Variants in HIBCH observed in about 807,000 individuals in gnomAD.
The protein encoded by HIBCH is 3-hydroxyisobutyryl-CoA hydrolase, also known as 3-hydroxyisobutyryl-CoA hydrolase, mitochondrial.
HIBCH carries 50 observed loss-of-function variants against 58.2 expected under a neutral mutation model. The observed-to-expected ratio is 0.86, with a 90% confidence interval of 0.68 to 1.09. The LOEUF is 1.09. HIBCH is among the 50% of genes least tolerant of loss of function. The pLI is 0.00. For synonymous variants in HIBCH, 151 were observed against 146.9 expected, an observed-to-expected ratio of 1.03 and a Z score of -0.20; for missense variants, 450 against 449.7, an observed-to-expected ratio of 1.00 and a Z score of -0.01.
At chr2:190,195,399 C>T (rs868632580) in intron 1 of HIBCH, among the ~76,000 whole-genome samples, 24 of 152,096 alleles carry the variant, frequency 1.6e-4, no homozygotes, top group Non-Finnish European at 2.4e-4. Flanking sequence ...AACTGCCAGA[C>T]TGTCCTCCCA....
intron 6 of HIBCH, among the ~76,000 whole-genome samples, chr2:190,265,061 T>TGCA (rs778931989): frequency 1.4e-5 from 2 of 138,722 alleles, no homozygotes; most frequent in East Asian, 4.1e-4. Context: ...AGGTGGAGGT[T>TGCA]GCAGTGAGTC....
intron 3 of HIBCH, among the ~76,000 whole-genome samples, chr2:190,295,652 CG>C (rs1209456630): frequency 6.6e-6 from 1 of 152,168 alleles, no homozygotes; most frequent in Non-Finnish European, 1.5e-5. Context: ...CATGCAATAC[CG>C]GACTACATTA....
chr2:190,238,632 T>C (rs1326814311), intron 11 of HIBCH, among the ~76,000 whole-genome samples: 2 of 152,190 alleles, frequency 1.3e-5, no homozygotes, highest in Non-Finnish European at 2.9e-5. Context: ...ACCTGGCTAA[T>C]TCTTGTACTT....
intron 1 of HIBCH, among the ~76,000 whole-genome samples, chr2:190,314,380 T>C (rs1427569363): frequency 3.4e-5 from 3 of 87,260 alleles, no homozygotes; most frequent in Non-Finnish European, 4.9e-5. Context: ...CGTATATATG[T>C]GTATATATAT....
At chr2:190,264,485 C>T (rs919784530) in intron 6 of HIBCH, among the ~76,000 whole-genome samples, 2 of 152,154 alleles carry the variant, frequency 1.3e-5, no homozygotes, top group Non-Finnish European at 2.9e-5. Context: ...CAAGTAGCTA[C>T]TATCTTGACC....
chr2:190,314,361 ATATATATACG>A (rs1559068600), intron 1 of HIBCH, among the ~76,000 whole-genome samples: 3 of 44,408 alleles, frequency 6.8e-5, no homozygotes, highest in Non-Finnish European at 1.1e-4. Context: ...ATATATACGT[ATATATATACG>A]TATATATGTG....
At chr2:190,192,284 CTTGT>C (rs1689747373) in intron 1 of HIBCH, among the ~76,000 whole-genome samples, 1 of 151,692 alleles carries the variant, frequency 6.6e-6, no homozygotes, top group African/African-American at 2.4e-5. Flanking sequence ...TATCTCTGGA[CTTGT>C]TTCTGTTTCA....
chr2:190,208,593 T>C (rs763595759), intron 13 of HIBCH: 28 of 446,478 alleles, frequency 6.3e-5, no homozygotes, highest in Non-Finnish European at 8.9e-5. Flanking sequence ...AAAAGTTTAA[T>C]TTTCACTACT....
chr2:190,217,867 G>A lies in HIBCH; in HGVS notation c.892-4792C>T, dbSNP rs574167703. 5.3e-5 allele frequency among the ~76,000 whole-genome samples: 8 copies of A among 152,266 alleles called. No individual in the cohort carries two copies. In the South Asian group the frequency reaches 1.7e-3, roughly 32 times the overall value. On this transcript the variant is annotated intron_variant, in intron 11 of 13. Coordinates refer to ENST00000359678, the MANE Select transcript of HIBCH (RefSeq NM_014362.4). The surrounding 1 kb of genome is among the most constrained non-coding windows in gnomAD (Gnocchi z 4.6). ...ACCCCTGAAAGAAAGGGAAAAGAGT[G>A]AATAGGGAATGTATAAATCACCTAA... is the stretch of plus-strand genomic sequence containing the variant.
chr2:190,199,573 T>G (rs1180196671), downstream of HIBCH: 2 of 392,558 alleles, frequency 5.1e-6, no homozygotes, highest in Non-Finnish European at 8.4e-6. Flanking sequence ...AAGATAAAGC[T>G]GTTTGTTTTT....
intron 11 of HIBCH, among the ~76,000 whole-genome samples, chr2:190,225,513 A>G (rs893720372): frequency 2.6e-5 from 4 of 152,246 alleles, no homozygotes; most frequent in African/African-American, 7.2e-5. Flanking sequence ...TAATCTAGAA[A>G]ATCTAGAAGA....
At chr2:190,234,955 A>C (rs1371550029) in intron 11 of HIBCH, among the ~76,000 whole-genome samples, 1 of 152,180 alleles carries the variant, frequency 6.6e-6, no homozygotes, top group African/African-American at 2.4e-5. Flanking sequence ...GCACTCTGTA[A>C]ATGTTTCTTT....
At chr2:190,278,219 T>G (rs1420650847) in intron 6 of HIBCH, among the ~76,000 whole-genome samples, 1 of 152,104 alleles carries the variant, frequency 6.6e-6, no homozygotes, top group East Asian at 1.9e-4. Flanking sequence ...TGCTTTTTTT[T>G]TTTAAGATGG....
chr2:190,238,846 A>G (rs1686364045), intron 11 of HIBCH, among the ~76,000 whole-genome samples: 1 of 152,064 alleles, frequency 6.6e-6, no homozygotes, highest in African/African-American at 2.4e-5. Context: ...AAATTTAAGT[A>G]CCTTGTAGAC....
At position 190,265,455 on chromosome 2, in the gene HIBCH, C is replaced by CTTTT. The variant is rs78459121; in HGVS notation, c.439-4225_439-4222dup. Among the ~76,000 whole-genome samples, 85 of 142,044 alleles carry CTTTT rather than the reference C, an allele frequency of 6.0e-4. No individual in the cohort carries two copies. The East Asian group carries it at 7.9e-3, about 13-fold the overall frequency. The allele number at this position is 142,044 out of a possible 152,430, so 93.2% of individuals were successfully genotyped here. A position where few individuals can be genotyped will look rare whatever the true frequency, so the allele number is the denominator to read the frequency against. ...GAAACGTCTGTTCCAATCTTTTGCT[C>CTTTT]TTTTTTTTTTTTTTACTGGATTTTT... is the stretch of plus-strand genomic sequence containing the variant. On this transcript the variant is annotated intron_variant, in intron 6 of 13. Coordinates refer to ENST00000359678, the MANE Select transcript of HIBCH (RefSeq NM_014362.4).
intron 4 of HIBCH, among the ~76,000 whole-genome samples, chr2:190,291,594 T>C (rs1009027719): frequency 6.6e-5 from 10 of 152,208 alleles, no homozygotes; most frequent in African/African-American, 2.2e-4. Context: ...AATAATATAC[T>C]GACATTCTTA....
rs557343346 is a variant in HIBCH at position 190,281,821 on chromosome 2, T to C, written c.438+5765A>G. ...GATTAGATAGATCTTCTTCCAGGCA[T>C]TCTAATTCATGGCTCTAAATTCCTG... On this transcript the variant is annotated intron_variant, in intron 6 of 13. Transcript: ENST00000359678. This position sits in a 1 kb window ranked among gnomAD's most constrained non-coding sequence, Gnocchi z 5.4. Among the ~76,000 whole-genome samples the C allele has an allele frequency of 4.6e-5, 7 of 152,304 alleles. No individual in the cohort carries two copies. The highest frequency in any genetic ancestry group is 1.3e-4 in the Admixed American group (2 of 15,302).
At chr2:190,268,519 A>G (rs1687302707) in intron 6 of HIBCH, among the ~76,000 whole-genome samples, 1 of 152,182 alleles carries the variant, frequency 6.6e-6, no homozygotes, top group African/African-American at 2.4e-5. Context: ...GCAACCTAAG[A>G]CTTTACTTTT....
downstream of HIBCH, among the ~76,000 whole-genome samples, chr2:190,199,524 G>GCCATTTT (rs1283845701): frequency 1.4e-4 from 22 of 152,074 alleles, no homozygotes; most frequent in Non-Finnish European, 3.2e-4. Context: ...TTTGCAAGTT[G>GCCATTTT]CCATTTTTAT....
Sources: allele counts gnomAD v4.1 joint callset (sites outside exome capture counted in the v4.1 genomes callset), GRCh38; gene constraint gnomAD v4.1.1; non-coding constraint Gnocchi (gnomAD v3.1); transcripts MANE v1.5; gene names NCBI Gene and HGNC (gene_info 2026-07-23, HGNC 2026-07-21).